Variants in BMPR2 observed in about 807,000 individuals in gnomAD.
BMPR2 encodes bone morphogenetic protein receptor type 2, also known as bone morphogenetic protein receptor type-2.
A neutral mutation model predicts 100.8 loss-of-function variants in BMPR2; 29 were observed. That is an observed-to-expected ratio of 0.29 (90% CI 0.21 to 0.39). The LOEUF is 0.39. Ranked by LOEUF, BMPR2 falls within the 10% of genes least tolerant of loss-of-function variation. The pLI is 1.00. For synonymous variants in BMPR2, 382 were observed against 442.3 expected, an observed-to-expected ratio of 0.86 and a Z score of 1.71; for missense variants, 1,011 against 1,274.5, an observed-to-expected ratio of 0.79 and a Z score of 3.15.
chr2:202,434,933 A>ATATATATATATATATATATTTATT (rs1483284948), intron 1 of BMPR2, among the ~76,000 whole-genome samples: 1 of 82,022 alleles, frequency 1.2e-5, no homozygotes, highest in Admixed American at 1.6e-4. Flanking sequence ...ATATATATAT[A>ATATATATATATATATATATTTATT]TATTTATTTA....
In BMPR2 at chr2:202,566,559, T is replaced by A. The variant is rs1238959722; in HGVS notation, c.*6613T>A. Reference sequence around the variant, plus strand: ...CTTAAAACGACTTACATTTCTGTTCTTTGGTCAAATGACCATACATGATAT... The same window carrying A: ...CTTAAAACGACTTACATTTCTGTTCATTGGTCAAATGACCATACATGATAT... On this transcript the variant is annotated 3_prime_UTR_variant, in exon 13 of 13. Transcript: ENST00000374580. 1 of 152,282 alleles carries A rather than the reference T, an allele frequency of 6.6e-6. No individual in the cohort carries two copies. Among genetic ancestry groups the A allele is most frequent in the African/African-American group, 2.4e-5 (1 of 41,478 alleles). The allele number at this position is 152,282 out of a possible 1,614,324, so 9.4% of individuals were successfully genotyped here.
At chr2:202,444,486 A>C (rs1445258496) in intron 1 of BMPR2, among the ~76,000 whole-genome samples, 1 of 150,820 alleles carries the variant, frequency 6.6e-6, no homozygotes, top group African/African-American at 2.5e-5. Context: ...TAGAGAAATT[A>C]TGTAATTTGT....
intron 3 of BMPR2, among the ~76,000 whole-genome samples, chr2:202,510,634 A>G (rs1464773679): frequency 2.0e-5 from 3 of 152,080 alleles, no homozygotes; most frequent in African/African-American, 7.2e-5. Context: ...TTTATCTTTT[A>G]GGTTTAGCAA....
intron 1 of BMPR2, among the ~76,000 whole-genome samples, chr2:202,445,729 C>G (rs1574453165): frequency 6.7e-6 from 1 of 149,206 alleles, no homozygotes; most frequent in East Asian, 1.9e-4. Context: ...TAAAGTGTTG[C>G]AATTGCAGGC....
At chr2:202,539,795 T>C (rs753725469) in intron 9 of BMPR2, among the ~76,000 whole-genome samples, 1 of 152,118 alleles carries the variant, frequency 6.6e-6, no homozygotes, top group Non-Finnish European at 1.5e-5. Flanking sequence ...GAGACATAGT[T>C]AACAAGTGGC....
At chr2:202,466,501 G>T (rs1692325957) in intron 2 of BMPR2, among the ~76,000 whole-genome samples, 1 of 152,106 alleles carries the variant, frequency 6.6e-6, no homozygotes, top group Non-Finnish European at 1.5e-5. Context: ...TGGCCAGGGT[G>T]GTCTCGATCT....
intron 3 of BMPR2, among the ~76,000 whole-genome samples, chr2:202,504,222 T>G (rs1687469792): frequency 6.6e-6 from 1 of 152,134 alleles, no homozygotes. Context: ...TTGGGTCCCC[T>G]TCCACACTGT....
chr2:202,517,889 T>C (rs1192416813), intron 5 of BMPR2, among the ~76,000 whole-genome samples: 1 of 149,404 alleles, frequency 6.7e-6, no homozygotes, highest in Non-Finnish European at 1.5e-5. Flanking sequence ...CTCGGCTCAC[T>C]GCAAGCTCTG....
intron 3 of BMPR2, among the ~76,000 whole-genome samples, chr2:202,470,057 G>GT (rs1440472729): frequency 6.6e-6 from 1 of 152,058 alleles, no homozygotes; most frequent in East Asian, 1.9e-4. Flanking sequence ...AAGAAAATAA[G>GT]TTGAGGCTGG....
Position 202,566,767 on chromosome 2 carries a change from T to G in BMPR2, c.*6821T>G, listed in dbSNP as rs1688770139. 1 of 152,198 alleles carries G rather than the reference T, an allele frequency of 6.6e-6. No individual in the cohort carries two copies. Among genetic ancestry groups the G allele is most frequent in the Non-Finnish European group, 1.5e-5 (1 of 68,016 alleles). 9.4% of individuals were successfully genotyped at this position (152,198 alleles called of 1,614,324 possible). On this transcript the variant is annotated 3_prime_UTR_variant, in exon 13 of 13. Coordinates refer to ENST00000374580, the MANE Select transcript of BMPR2 (RefSeq NM_001204.7). ...AGAAAATAACCTGTATTTATCACAT[T>G]GTCAAACAGAATTTTTCTTTGAATC...
chr2:202,484,968 CAA>C (rs747890922), intron 3 of BMPR2, among the ~76,000 whole-genome samples: 10 of 59,858 alleles, frequency 1.7e-4, no homozygotes, highest in Non-Finnish European at 2.5e-4. Flanking sequence ...GACTCCGTCT[CAA>C]AAAAAAAAAA....
intron 10 of BMPR2, among the ~76,000 whole-genome samples, chr2:202,550,374 CAA>C (rs71035016): frequency 0.16 from 14,881 of 94,002 alleles, 825 homozygotes; most frequent in Admixed American, 0.18. Context: ...CTCCTATCTC[CAA>C]AAAAAAAAAA....
At chr2:202,525,752 G>A (rs1329393949) in intron 7 of BMPR2, among the ~76,000 whole-genome samples, 1 of 151,970 alleles carries the variant, frequency 6.6e-6, no homozygotes, top group Non-Finnish European at 1.5e-5. Flanking sequence ...ATACATTGTG[G>A]GGATCAGCCT....
At chr2:202,471,423 A>G (rs1692434985) in intron 3 of BMPR2, among the ~76,000 whole-genome samples, 1 of 152,208 alleles carries the variant, frequency 6.6e-6, no homozygotes, top group African/African-American at 2.4e-5. Flanking sequence ...TAGTAATTAT[A>G]AAATGGGAAA....
chr2:202,430,219 A>G (rs572414006), intron 1 of BMPR2, among the ~76,000 whole-genome samples: 8 of 152,258 alleles, frequency 5.3e-5, no homozygotes, highest in South Asian at 2.1e-4. Flanking sequence ...TAAAAGCCCT[A>G]TCTCCAAATA....
chr2:202,539,850 T>C (rs1392648455), intron 9 of BMPR2, among the ~76,000 whole-genome samples: 1 of 152,132 alleles, frequency 6.6e-6, no homozygotes, highest in East Asian at 1.9e-4. Context: ...GTGCTAGATA[T>C]TACTATAAGA....
intron 1 of BMPR2, among the ~76,000 whole-genome samples, chr2:202,415,268 G>C (rs1691103449): frequency 6.6e-6 from 1 of 151,984 alleles, no homozygotes; most frequent in African/African-American, 2.4e-5. Flanking sequence ...TTGGGAGTTT[G>C]AGACCAGCCT....
At chr2:202,515,106 G>T (rs1687689849) in intron 5 of BMPR2, 127 bp downstream of exon 5, 3 of 947,438 alleles carry the variant, frequency 3.2e-6, no homozygotes, top group Non-Finnish European at 5.0e-6. Flanking sequence ...ACAATTTTTT[G>T]TCAAGGCCTA....
intron 10 of BMPR2, among the ~76,000 whole-genome samples, chr2:202,552,086 C>A (rs1343891565): frequency 6.6e-6 from 1 of 152,148 alleles, no homozygotes. Context: ...AACTCCTGAC[C>A]TCGTGATCCA....
Sources: gnomAD v4.1 joint callset for allele counts (sites outside exome capture counted in the v4.1 genomes callset) on GRCh38, gnomAD v4.1.1 for gene constraint, MANE v1.5 for transcripts, NCBI Gene and HGNC (gene_info 2026-07-23, HGNC 2026-07-21) for gene names.